ABCA2: variants seen among roughly 807,000 people sequenced by gnomAD.
The protein encoded by ABCA2 is ATP-binding cassette sub-family A member 2.
A neutral mutation model predicts 262.8 loss-of-function variants in ABCA2; 84 were observed. The ratio of observed to expected loss-of-function variants is 0.32; its 90% confidence interval spans 0.27 to 0.38. ABCA2 has a LOEUF of 0.38. Ranked by LOEUF, ABCA2 falls within the 10% of genes least tolerant of loss-of-function variation. The pLI is 1.00. For missense variants in ABCA2, 2,662 were observed against 3,405.9 expected (o/e 0.78, Z 5.44); for synonymous variants, 1,696 against 1,502.9 (o/e 1.13, Z -2.97).
chr9:137,025,155 G>A (rs756694447), intron 1 of ABCA2, among the ~76,000 whole-genome samples: 59 of 152,166 alleles, frequency 3.9e-4, no homozygotes, highest in Non-Finnish European at 6.0e-4. Flanking sequence ...TCCCCAGGTC[G>A]GCTCCTGCTA....
Position 137,018,035 on chromosome 9 carries a change from G to A in ABCA2, c.2034C>T (p.His678=), listed in dbSNP as rs761956645. The change falls in exon 15 of 49, where the codon CAC becomes CAT. Residue 678 remains histidine, a synonymous_variant. Coordinates refer to ENST00000341511, the MANE Select transcript of ABCA2 (RefSeq NM_001606.5). The stretch of plus-strand genomic sequence containing the variant: ...CGTAGCTGCCTGGCTCCACCACATC[G>A]TGCCCCACAAAAGTGTCGATGATGG... The part of the protein sequence containing the change: ...ERAIIDTFVG[H]DVVEPGSYVQ... The A allele has an allele frequency of 1.1e-5, 18 of 1,612,674 alleles. No homozygotes were observed. Among genetic ancestry groups the A allele is most frequent in the South Asian group, 4.4e-5 (4 of 91,080 alleles).
chr9:137,022,690 C>A lies in ABCA2; in HGVS notation c.439+12G>T, dbSNP rs1344289007. On this transcript the variant is annotated intron_variant, in intron 5 of 48. Transcript: ENST00000341511. The stretch of plus-strand genomic sequence containing the variant: ...GCAGCCCTGCCCCCCAACTTCCCTG[C>A]ACAGGGCACACCTGTGGATCTGTCC... 42 of 1,602,678 alleles carry A rather than the reference C, an allele frequency of 2.6e-5. No individual in the cohort carries two copies. Among genetic ancestry groups the A allele is most frequent in the Non-Finnish European group, 3.6e-5 (42 of 1,176,920 alleles).
intron 3 of ABCA2, chr9:137,023,379 C>T: frequency 1.4e-6 from 1 of 709,028 alleles, no homozygotes; most frequent in Non-Finnish European, 2.6e-6. Context: ...TCAGGTGTGG[C>T]ACTGCCTACA....
intron 6 of ABCA2, 87 bp from the exon 7 acceptor site, chr9:137,022,088 C>A: frequency 4.6e-6 from 2 of 436,820 alleles, no homozygotes; most frequent in Non-Finnish European, 6.9e-6. Flanking sequence ...CGTGTGGGGG[C>A]GTGGCTTAGA....
rs935529137 is a variant in ABCA2, at chr9:137,015,831, G to A, written c.3358C>T (p.Leu1120=). The A allele has an allele frequency of 6.8e-6, 11 of 1,611,710 alleles. No homozygotes were observed. Among genetic ancestry groups the A allele is most frequent in the Non-Finnish European group, 9.3e-6 (11 of 1,179,290 alleles). Residue 1120 remains leucine (L), a synonymous_variant, in exon 23 of 49, where the codon CTG becomes TTG. Coordinates refer to ENST00000341511, the MANE Select transcript of ABCA2 (RefSeq NM_001606.5). ...DLELSNKRHS[L]VQTLSGGMKR... ...ATGCCACCCGACAATGTCTGCACCAGTGAGTGCCGTTTGTTGGAGAGCTCC... is the reference window on the plus strand; with the variant it reads ...ATGCCACCCGACAATGTCTGCACCAATGAGTGCCGTTTGTTGGAGAGCTCC...
rs755839713 is a variant in ABCA2 at position 137,008,977 on chromosome 9, G to A, written c.6904C>T (p.Arg2302Cys). The change falls in exon 46 of 49, where the codon CGC (arginine) becomes TGC (cysteine). Residue 2302 changes from arginine to cysteine, a missense_variant. By Grantham distance (180) the Arg-to-Cys change is radical. This residue lies in a region of ABCA2 where 212 missense variants were observed against 214.4 expected (regional missense o/e 0.99). Transcript: ENST00000341511. Reference protein sequence around the residue: ...SVKDVVRFFNRNFPEAMLKER... With the variant: ...SVKDVVRFFNCNFPEAMLKER... ...TTGAGCATGGCTTCCGGGAAGTTGC[G>A]GTTGAAGAACCGCACCACGTCCTTC... The A allele has an allele frequency of 1.6e-5, 26 of 1,602,884 alleles. No individual in the cohort carries two copies. The highest frequency in any genetic ancestry group is 1.6e-4 in the Middle Eastern group (1 of 6,064).
chr9:137,025,784 T>C (rs939848942), intron 1 of ABCA2, among the ~76,000 whole-genome samples: 13 of 152,150 alleles, frequency 8.5e-5, no homozygotes, highest in African/African-American at 3.1e-4. Context: ...CAGGCCCGGC[T>C]GCCTCCCCCA....
In ABCA2 at chr9:137,010,718, T is replaced by C; in HGVS notation, c.6076A>G (p.Lys2026Glu). 3 of 1,612,500 alleles carry C rather than the reference T, an allele frequency of 1.9e-6. No homozygotes were observed. Among genetic ancestry groups the C allele is most frequent in the Non-Finnish European group, 1.7e-6 (2 of 1,179,844 alleles). Reference protein sequence around the residue: ...RRPQRMPVSTKPVEDDVDVAS... With the variant: ...RRPQRMPVSTEPVEDDVDVAS... ...ACGTCCACATCATCCTCCACAGGCT[T>C]GGTAGACACAGGCATGCGCCTTGGG... is the stretch of plus-strand genomic sequence containing the variant. Residue 2026 changes from lysine to glutamate, a missense_variant, in exon 40 of 49, where the codon AAG becomes GAG. Around this residue, in one of 12 missense-constraint regions of ABCA2, gnomAD observed 602 missense variants for 897.4 expected, o/e 0.67. Coordinates refer to ENST00000341511, the MANE Select transcript of ABCA2 (RefSeq NM_001606.5).
intron 16 of ABCA2, 33 bp from the exon 17 acceptor site, chr9:137,017,725 C>G (rs369674855): frequency 4.4e-6 from 7 of 1,609,024 alleles, no homozygotes; most frequent in Non-Finnish European, 5.9e-6. Flanking sequence ...GGGCAGGCCC[C>G]GGGGAGGACG....
rs749394173 is a variant in ABCA2, at chr9:137,010,149, CGT to C, written c.6354-27_6354-26del. On this transcript the variant is annotated intron_variant, in intron 41 of 48. Coordinates refer to ENST00000341511, the MANE Select transcript of ABCA2 (RefSeq NM_001606.5). ...GCTGGGGACACGGCAGCTGTCAGCG[CGT>C]GAGGACGCGGCGGCCCCGCCCACCC... 3 of 1,591,666 alleles carry C rather than the reference CGT, an allele frequency of 1.9e-6. No individual in the cohort carries two copies. In the South Asian group the frequency reaches 3.3e-5, roughly 18 times the overall value.
Position 137,019,133 on chromosome 9 carries a change from C to G in ABCA2, c.1554+45G>C. 1 of 1,604,028 alleles carries G rather than the reference C, an allele frequency of 6.2e-7. No homozygotes were observed. Among genetic ancestry groups the G allele is most frequent in the Non-Finnish European group, 8.5e-7 (1 of 1,173,958 alleles). On this transcript the variant is annotated intron_variant, in intron 11 of 48. Transcript: ENST00000341511. The surrounding 1 kb of genome is among the most constrained non-coding windows in gnomAD (Gnocchi z 4.4). ...CTGCCGAGCCGGGCAGAGAGGGGCT[C>G]CCCACACCACCCACAGCCGCCTCCC...
chr9:137,016,429 A>G lies in ABCA2; in HGVS notation c.2966T>C (p.Leu989Pro). ...GGTGAGTTTGTCCACGCAGACAACC[A>G]GAGGCAGGTGGGTGGGCTCCTCCTC... ...GMEEEPTHLP[L>P]VVCVDKLTKV... The change falls in exon 21 of 49, where the codon CTG becomes CCG. Residue 989 changes from leucine (L) to proline (P), a missense_variant. By Grantham distance (98) the Leu-to-Pro change is moderately conservative. Transcript: ENST00000341511. 1 of 1,612,848 alleles carries G rather than the reference A, an allele frequency of 6.2e-7. No individual in the cohort carries two copies.
intron 46 of ABCA2, 33 bp from the exon 47 acceptor site, chr9:137,008,901 C>CA (rs771891462): frequency 1.4e-5 from 20 of 1,457,536 alleles, no homozygotes; most frequent in Non-Finnish European, 1.8e-5. Flanking sequence ...CCTGGCAGCG[C>CA]CCCCCCACCC....
In ABCA2 at chr9:137,017,960, G is replaced by A. The variant is rs756712101; in HGVS notation, c.2096+13C>T. On this transcript the variant is annotated intron_variant, in intron 15 of 48. Transcript: ENST00000341511. ...CCCAGCCCCAGCCCCAGCCCCGGGCGCCCAGCACTCACTCATCGCGTGTGT... is the reference window on the plus strand; with the variant it reads ...CCCAGCCCCAGCCCCAGCCCCGGGCACCCAGCACTCACTCATCGCGTGTGT... 131 of 1,612,412 alleles carry A rather than the reference G, an allele frequency of 8.1e-5. No individual in the cohort carries two copies. In the East Asian group the frequency reaches 2.8e-3, roughly 35 times the overall value.
intron 3 of ABCA2, chr9:137,023,538 G>C (rs1245271850): frequency 1.3e-6 from 1 of 746,730 alleles, no homozygotes; most frequent in East Asian, 2.5e-5. Flanking sequence ...CCCAGCCTCA[G>C]CCCAGACTCA....
chr9:137,026,594 C>T (rs59356135), intron 1 of ABCA2, among the ~76,000 whole-genome samples: 3,773 of 152,242 alleles, frequency 0.025, 175 homozygotes, highest in African/African-American at 0.085. Context: ...CAAAAAGGTC[C>T]TGGGGGGCAG....
rs201423788 is a variant in ABCA2 at position 137,017,023 on chromosome 9, C to T, written c.2655G>A (p.Pro885=). The T allele has an allele frequency of 3.0e-4, 483 of 1,612,806 alleles. 2 individuals carry two copies. The East Asian group carries it at 5.3e-3, about 18-fold the overall frequency. Residue 885 remains proline (P), a synonymous_variant, in exon 19 of 49, where the codon CCG becomes CCA. Coordinates refer to ENST00000341511, the MANE Select transcript of ABCA2 (RefSeq NM_001606.5). The part of the protein sequence containing the change: ...GIQWHTFSQS[P]VEGDDFNLLL... ...GCAAGTTGAAGTCGTCCCCCTCCAC[C>T]GGGGACTGGCTGAAGGTGTGCCACT...
intron 24 of ABCA2, 107 bp downstream of exon 24, chr9:137,015,307 G>C: frequency 1.5e-6 from 2 of 1,367,682 alleles, no homozygotes; most frequent in Non-Finnish European, 2.0e-6. Flanking sequence ...AGGCATCCTG[G>C]GCCCAGCGGG....
At chr9:137,022,587 C>T in intron 5 of ABCA2, 109 bp from the exon 6 acceptor site, 4 of 1,555,070 alleles carry the variant, frequency 2.6e-6, no homozygotes, top group South Asian at 1.2e-5. Flanking sequence ...GCAGCCTGTG[C>T]GTGGCTGGGA....
Sources: allele counts gnomAD v4.1 joint callset (sites outside exome capture counted in the v4.1 genomes callset), GRCh38; gene constraint gnomAD v4.1.1; regional missense constraint gnomAD v4.1.1; non-coding constraint Gnocchi (gnomAD v3.1); transcripts MANE v1.5; gene names NCBI Gene and HGNC (gene_info 2026-07-23, HGNC 2026-07-21).